The following PVT1 variants were observed in gnomAD, a reference collection of about 807,000 sequenced individuals.
PVT1 encodes CXCR4/PVT1 fusion.
At chr8:128,022,663 C>T (rs1253062255) in intron 4 of PVT1, among the ~76,000 whole-genome samples, 2 of 152,146 alleles carry the variant, frequency 1.3e-5, no homozygotes, top group Non-Finnish European at 2.9e-5. Context: ...TGAAATAGCC[C>T]AAGTTCAAAT....
chr8:127,919,872 T>TG lies in PVT1; in HGVS notation n.782+28879dup, dbSNP rs1359669195. Among the ~76,000 whole-genome samples the TG allele has an allele frequency of 2.0e-5, 3 of 152,204 alleles. 1 individual carries two copies. Among genetic ancestry groups the TG allele is most frequent in the African/African-American group, 4.8e-5 (2 of 41,456 alleles). ...TGCTCTACATTTTGTGCCAGCAGTT[T>TG]GGGGGTCTCCTGAATCTTATCCCTT... On this transcript the variant is annotated intron_variant and non_coding_transcript_variant, in intron 3 of 10. Transcript: ENST00000651587.
chr8:128,037,201 C>T (rs13249999), intron 4 of PVT1, among the ~76,000 whole-genome samples: 9,079 of 152,296 alleles, frequency 0.06, 306 homozygotes, highest in Middle Eastern at 0.12. Flanking sequence ...GTCACCACTC[C>T]TCTGAGGGGC....
At chr8:127,917,317 A>G (rs971278615) in intron 3 of PVT1, among the ~76,000 whole-genome samples, 1 of 152,222 alleles carries the variant, frequency 6.6e-6, no homozygotes, top group Admixed American at 6.5e-5. Context: ...AAGGACTCAC[A>G]GATCATGAGG....
chr8:127,967,328 AG>A (rs1230748150), intron 3 of PVT1, among the ~76,000 whole-genome samples: 1 of 150,866 alleles, frequency 6.6e-6, no homozygotes, highest in Non-Finnish European at 1.5e-5. Flanking sequence ...CTTAGAGAAG[AG>A]GGGGGAAGGA....
At position 127,895,071 on chromosome 8, in the gene PVT1, G is replaced by A. The variant is rs143798765; in HGVS notation, n.782+4073G>A. ...ACCCAAAGTTTTTCAGTCAATTCCT[G>A]AGTTAATTATTCTCTGGGATTGAAT... On this transcript the variant is annotated intron_variant and non_coding_transcript_variant, in intron 3 of 10. Coordinates refer to ENST00000651587, the Ensembl canonical transcript of PVT1. Among the ~76,000 whole-genome samples, 50 of 152,292 alleles carry A rather than the reference G, an allele frequency of 3.3e-4. No homozygotes were observed. In the East Asian group the frequency reaches 9.1e-3, roughly 28 times the overall value.
At chr8:127,920,105 G>A (rs1240625089) in intron 3 of PVT1, among the ~76,000 whole-genome samples, 1 of 152,148 alleles carries the variant, frequency 6.6e-6, no homozygotes, top group Non-Finnish European at 1.5e-5. Flanking sequence ...GACAGAGCTT[G>A]CCTAGGACAG....
At chr8:127,825,340 A>G (rs1353986825) in intron 2 of PVT1, among the ~76,000 whole-genome samples, 2 of 152,180 alleles carry the variant, frequency 1.3e-5, no homozygotes, top group Non-Finnish European at 2.9e-5. Flanking sequence ...ACCAAGTTAC[A>G]GTCACAAAAT....
intron 2 of PVT1, among the ~76,000 whole-genome samples, chr8:127,804,677 T>C (rs1284548819): frequency 1.3e-5 from 2 of 151,060 alleles, no homozygotes; most frequent in Non-Finnish European, 3.0e-5. Flanking sequence ...GTAGCTGGGA[T>C]GCCACCGTGC....
At chr8:128,019,979 G>A (rs1392431421) in intron 4 of PVT1, among the ~76,000 whole-genome samples, 3 of 152,154 alleles carry the variant, frequency 2.0e-5, no homozygotes, top group Admixed American at 6.5e-5. Context: ...CTCAATTCCA[G>A]TTTCCATCAG....
At chr8:127,955,758 T>A (rs539323359) in intron 3 of PVT1, among the ~76,000 whole-genome samples, 3 of 152,272 alleles carry the variant, frequency 2.0e-5, no homozygotes, top group Admixed American at 6.5e-5. Flanking sequence ...AATTTTTTTT[T>A]ATTTTCAGTA....
chr8:127,900,395 A>G (rs918122245), intron 3 of PVT1, among the ~76,000 whole-genome samples: 1 of 152,146 alleles, frequency 6.6e-6, no homozygotes, highest in South Asian at 2.1e-4. Context: ...TGGGAAGTCT[A>G]TGAGCCTTGT....
At chr8:128,074,303 G>T (rs377162354) in intron 5 of PVT1, among the ~76,000 whole-genome samples, 1 of 151,918 alleles carries the variant, frequency 6.6e-6, no homozygotes, top group Non-Finnish European at 1.5e-5. Flanking sequence ...TCAGGAGTTC[G>T]AGACCAGCCT....
At chr8:127,847,596 G>A (rs1815050740) in intron 2 of PVT1, among the ~76,000 whole-genome samples, 1 of 152,214 alleles carries the variant, frequency 6.6e-6, no homozygotes, top group Non-Finnish European at 1.5e-5. Flanking sequence ...GTGAGTTGAA[G>A]ACTGGCAAAT....
At chr8:127,958,293 G>A (rs182837783) in intron 3 of PVT1, among the ~76,000 whole-genome samples, 3 of 151,706 alleles carry the variant, frequency 2.0e-5, no homozygotes, top group African/African-American at 7.3e-5. Context: ...AGGCAGGAGT[G>A]CAGTGGCGCG....
intron 3 of PVT1, among the ~76,000 whole-genome samples, chr8:127,935,232 C>T (rs2129895771): frequency 6.6e-6 from 1 of 152,276 alleles, no homozygotes; most frequent in South Asian, 2.1e-4. Flanking sequence ...TCCCAAAGTG[C>T]TGGGATTACA....
chr8:127,980,791 C>CTTTT (rs11361552), intron 3 of PVT1, among the ~76,000 whole-genome samples: 187 of 120,412 alleles, frequency 1.6e-3, no homozygotes, highest in Non-Finnish European at 1.8e-3. Flanking sequence ...ACTACAGCTT[C>CTTTT]TTTTTTTTTT....
chr8:128,084,400 G>A (rs1814230802), intron 5 of PVT1, among the ~76,000 whole-genome samples: 1 of 152,080 alleles, frequency 6.6e-6, no homozygotes, highest in Admixed American at 6.6e-5. Context: ...CTGGCTCTCT[G>A]CTCAGATGTC....
chr8:127,937,052 G>A (rs2129899744), intron 3 of PVT1, among the ~76,000 whole-genome samples: 1 of 152,338 alleles, frequency 6.6e-6, no homozygotes, highest in African/African-American at 2.4e-5. Context: ...TCCAGACCAA[G>A]TCACCTAACC....
intron 4 of PVT1, among the ~76,000 whole-genome samples, chr8:128,034,323 C>G (rs1039036993): frequency 6.6e-6 from 1 of 152,184 alleles, no homozygotes; most frequent in African/African-American, 2.4e-5. Context: ...GTATTCTCTT[C>G]CCTTGGAAAA....
Sources: allele counts gnomAD v4.1 joint callset (sites outside exome capture counted in the v4.1 genomes callset), GRCh38; gene constraint gnomAD v4.1.1; transcripts MANE v1.5; gene names NCBI Gene and HGNC (gene_info 2026-07-23, HGNC 2026-07-21).